VCL: variants seen among roughly 807,000 people sequenced by gnomAD.
VCL encodes the protein epididymis luminal protein 114.
In VCL, 47 loss-of-function variants were observed where a neutral mutation model predicts 125.7. The ratio of observed to expected loss-of-function variants is 0.37; its 90% CI spans 0.30 to 0.48. The LOEUF is 0.48. Ranked by LOEUF, VCL falls within the 20% of genes least tolerant of loss-of-function variation. The pLI, the probability that VCL is intolerant of heterozygous loss-of-function variation, is 0.99. For missense variants in VCL, 1,069 were observed against 1,455.5 expected (o/e 0.73, Z 4.32); for synonymous variants, 458 against 514.6 (o/e 0.89, Z 1.49).
intron 2 of VCL, among the ~76,000 whole-genome samples, chr10:74,066,048 T>C (rs1841563771): frequency 2.4e-5 from 1 of 42,252 alleles, no homozygotes; most frequent in South Asian, 4.8e-4. Flanking sequence ...TCAATTTTGG[T>C]ATATATATAT....
At chr10:74,086,573 C>T (rs1050925298) in intron 8 of VCL, among the ~76,000 whole-genome samples, 1 of 152,252 alleles carries the variant, frequency 6.6e-6, no homozygotes, top group Non-Finnish European at 1.5e-5. Flanking sequence ...CTTTTGTCTG[C>T]AACCTTTTCC....
chr10:74,107,308 AG>A lies in VCL; in HGVS notation c.2515del (p.Glu839SerfsTer16). 6.2e-7 allele frequency: 1 copy of A among 1,614,212 alleles called. No individual in the cohort carries two copies. Among genetic ancestry groups the A allele is most frequent in the Non-Finnish European group, 8.5e-7 (1 of 1,180,036 alleles). ...VAKVREAFQP[Q>X]EPDFPPPPPD... ...AAGGTCAGAGAAGCCTTCCAACCTC[AG>A]GAGCCTGACTTCCCGCCGCCTCCAC... On this transcript the variant is annotated frameshift_variant, in exon 17 of 22. Transcript: ENST00000211998. LOFTEE classifies it high-confidence loss of function.
intron 2 of VCL, among the ~76,000 whole-genome samples, chr10:74,048,321 AGCCGG>A (rs1205378288): frequency 6.6e-6 from 1 of 152,012 alleles, no homozygotes; most frequent in African/African-American, 2.4e-5. Context: ...ATTCAAAACT[AGCCGG>A]GCGTGGTGGC....
chr10:73,998,370 G>A lies in VCL; in HGVS notation c.163G>A (p.Val55Ile). 6.5e-7 allele frequency: 1 copy of A among 1,534,578 alleles called. No individual in the cohort carries two copies. Among genetic ancestry groups the A allele is most frequent in the Non-Finnish European group, 8.8e-7 (1 of 1,138,206 alleles). The change falls in exon 1 of 22, where the codon GTC becomes ATC. Residue 55 changes from valine to isoleucine, a missense_variant. By Grantham distance (29) the Val-to-Ile change is conservative. This residue lies in a region of VCL where 96 missense variants were observed against 137.6 expected (regional missense o/e 0.70). Coordinates refer to ENST00000211998, the MANE Select transcript of VCL (RefSeq NM_014000.3). Reference sequence around the variant, plus strand: ...CGTGCAGGCGGCCGTCAGCAACCTCGTCCGGGTGAGCGCGCAGGGCCTGGC... The same window carrying A: ...CGTGCAGGCGGCCGTCAGCAACCTCATCCGGGTGAGCGCGCAGGGCCTGGC... ...AAVQAAVSNL[V>I]RVGKETVQTT... is the part of the protein sequence containing the mutation.
chr10:74,028,071 T>TTTTGTGTTTG (rs1445544329), intron 1 of VCL, among the ~76,000 whole-genome samples: 21 of 152,136 alleles, frequency 1.4e-4, no homozygotes, highest in African/African-American at 4.8e-4. Flanking sequence ...GACTGAGGGT[T>TTTTGTGTTTG]TTTTTGTTTG....
Position 74,112,084 on chromosome 10 carries a change from A to G in VCL, c.2921A>G (p.His974Arg). ...QPILAAAQSL[H>R]REATKWSSKG... is the part of the protein sequence containing the mutation. The stretch of plus-strand genomic sequence containing the variant: ...ATTCTGGCCGCGGCTCAGTCCTTGC[A>G]TCGGGAAGCTACCAAGTGGTCTAGT... Residue 974 changes from histidine (H) to arginine (R), a missense_variant, in exon 19 of 22, where the codon CAT (histidine) becomes CGT (arginine). This residue lies in a region of VCL where 86 missense variants were observed against 91.0 expected (regional missense o/e 0.95). Transcript: ENST00000211998. The G allele has an allele frequency of 6.2e-7, 1 of 1,614,172 alleles. No individual in the cohort carries two copies. Among genetic ancestry groups the G allele is most frequent in the Non-Finnish European group, 8.5e-7 (1 of 1,180,028 alleles).
rs575394398 is a variant in VCL, at chr10:74,031,552, C to A, written c.169-11531C>A. On this transcript the variant is annotated intron_variant, in intron 1 of 21. Coordinates refer to ENST00000211998, the MANE Select transcript of VCL (RefSeq NM_014000.3). ...CTTCATGATCTCAGGTTAGATGAAG[C>A]CTTCTTAAGTGTTACACCAAAAGCA... is the stretch of plus-strand genomic sequence containing the variant. Among the ~76,000 whole-genome samples, 5 of 152,034 alleles carry A rather than the reference C, an allele frequency of 3.3e-5. No individual in the cohort carries two copies. In the East Asian group the frequency reaches 5.8e-4, roughly 18 times the overall value.
chr10:74,018,177 G>GATATATATATATATATGTATAAATAC (rs1555114493), intron 1 of VCL, among the ~76,000 whole-genome samples: 14 of 81,882 alleles, frequency 1.7e-4, no homozygotes, highest in African/African-American at 6.2e-4. Flanking sequence ...ATATATATAG[G>GATATATATATATATATGTATAAATAC]ATATATATAT....
At chr10:74,076,572 CT>C (rs1839590454) in intron 6 of VCL, 1 of 152,636 alleles carries the variant, frequency 6.6e-6, no homozygotes, top group Non-Finnish European at 1.5e-5. Flanking sequence ...TGAAATTTTG[CT>C]TTTGGAGATG....
At chr10:74,065,502 C>T (rs973198293) in intron 2 of VCL, among the ~76,000 whole-genome samples, 1 of 151,946 alleles carries the variant, frequency 6.6e-6, no homozygotes, top group Non-Finnish European at 1.5e-5. Context: ...CCAGCCTGTG[C>T]AACATGGCAA....
At chr10:74,103,040 G>A (rs1330491831) in intron 14 of VCL, among the ~76,000 whole-genome samples, 2 of 152,006 alleles carry the variant, frequency 1.3e-5, no homozygotes, top group Admixed American at 1.3e-4. Flanking sequence ...CTAGTTTTTT[G>A]TATTTTTATT....
At chr10:74,080,169 A>G (rs942603913) in intron 6 of VCL, among the ~76,000 whole-genome samples, 1 of 152,140 alleles carries the variant, frequency 6.6e-6, no homozygotes, top group African/African-American at 2.4e-5. Context: ...AAAAGCAGTC[A>G]TTTTTGTTAG....
chr10:74,073,210 A>T (rs1450507953), intron 5 of VCL, among the ~76,000 whole-genome samples: 1 of 152,088 alleles, frequency 6.6e-6, no homozygotes, highest in Non-Finnish European at 1.5e-5. Context: ...GAGTGCTGGG[A>T]TTACATGCGT....
intron 1 of VCL, among the ~76,000 whole-genome samples, chr10:74,002,710 C>T (rs1385324041): frequency 3.3e-5 from 5 of 151,118 alleles, no homozygotes; most frequent in South Asian, 4.2e-4. Context: ...GGTGAAACCC[C>T]GTCTCTACTA....
chr10:74,014,922 CA>C (rs772693912), intron 1 of VCL, among the ~76,000 whole-genome samples: 138 of 152,258 alleles, frequency 9.1e-4, no homozygotes, highest in Non-Finnish European at 1.8e-3. Flanking sequence ...CTCCTGGGCT[CA>C]AGCGATTCTC....
Position 74,072,944 on chromosome 10 carries a change from T to C in VCL, c.622+92T>C. 3.2e-6 allele frequency: 5 copies of C among 1,543,098 alleles called. No individual in the cohort carries two copies. The Admixed American group carries it at 9.0e-5, about 28-fold the overall frequency. On this transcript the variant is annotated intron_variant, in intron 5 of 21. Transcript: ENST00000211998. ...CATTTTGTTTTCTTTTGTTTTCTTT[T>C]CTTTTTTTTTTTTTTGAGATGAAGT... is the stretch of plus-strand genomic sequence containing the variant.
At chr10:74,044,919 C>T (rs1419968967) in intron 2 of VCL, among the ~76,000 whole-genome samples, 1 of 152,070 alleles carries the variant, frequency 6.6e-6, no homozygotes, top group Non-Finnish European at 1.5e-5. Flanking sequence ...TGGCTCACAC[C>T]TGTAATCCCA....
chr10:74,033,061 A>T (rs958026588), intron 1 of VCL, among the ~76,000 whole-genome samples: 2 of 152,238 alleles, frequency 1.3e-5, no homozygotes, highest in Non-Finnish European at 2.9e-5. Context: ...AAACATGTTC[A>T]TACAAAACCT....
chr10:74,009,282 G>A (rs376682285), intron 1 of VCL, among the ~76,000 whole-genome samples: 6 of 125,952 alleles, frequency 4.8e-5, no homozygotes, highest in East Asian at 2.3e-4. Flanking sequence ...TTTTTGAGAC[G>A]GAGTCTCGCT....
Sources: gnomAD v4.1 joint callset for allele counts (sites outside exome capture counted in the v4.1 genomes callset) on GRCh38, gnomAD v4.1.1 for gene constraint, gnomAD v4.1.1 regional missense constraint, MANE v1.5 for transcripts, NCBI Gene and HGNC (gene_info 2026-07-23, HGNC 2026-07-21) for gene names.